Variants in FRMD3 observed in about 807,000 individuals in gnomAD.
FRMD3 encodes FERM domain-containing protein 3.
A neutral mutation model predicts 70.2 loss-of-function variants in FRMD3; 33 were observed. The ratio of observed to expected loss-of-function variants is 0.47; its 90% CI spans 0.36 to 0.63. FRMD3 has a LOEUF of 0.63. FRMD3 is among the 20% of genes least tolerant of loss of function. The probability of loss-of-function intolerance (pLI) is 0.00; values close to 1 mark genes in which losing one functional copy is unlikely to be tolerated. For missense variants in FRMD3, 632 were observed against 711.4 expected (o/e 0.89, Z 1.27); for synonymous variants, 279 against 255.9 (o/e 1.09, Z -0.86).
Position 83,459,490 on chromosome 9 carries a change from C to T in FRMD3, c.148-69782G>A, listed in dbSNP as rs1354518769. ...ATATCTTACATGTACCTCGCAGCCT[C>T]GGTTCTCCCCAGGGGCGTCCCCAAG... On this transcript the variant is annotated intron_variant, in intron 1 of 13. Transcript: ENST00000304195. Among the ~76,000 whole-genome samples, 5 of 152,226 alleles carry T rather than the reference C, an allele frequency of 3.3e-5. 1 individual carries two copies. Among genetic ancestry groups the T allele is most frequent in the Non-Finnish European group, 7.3e-5 (5 of 68,036 alleles).
intron 13 of FRMD3, among the ~76,000 whole-genome samples, chr9:83,286,334 CT>C (rs35896378): frequency 0.032 from 4,684 of 148,620 alleles, 137 homozygotes; most frequent in African/African-American, 0.08. Context: ...TTAGAGAACA[CT>C]TTTTTTTTTT....
intron 13 of FRMD3, among the ~76,000 whole-genome samples, chr9:83,249,478 G>A (rs532988330): frequency 6.6e-6 from 1 of 152,234 alleles, no homozygotes; most frequent in South Asian, 2.1e-4. Context: ...CAATCAAAAT[G>A]GCAGCCAGGT....
intron 10 of FRMD3, among the ~76,000 whole-genome samples, chr9:83,305,274 G>A (rs1340953368): frequency 6.6e-6 from 1 of 152,136 alleles, no homozygotes; most frequent in Non-Finnish European, 1.5e-5. Flanking sequence ...GAAAAGGAGT[G>A]GGCTCTTCAT....
intron 10 of FRMD3, among the ~76,000 whole-genome samples, chr9:83,301,525 T>TAC (rs1554684032): frequency 2.8e-4 from 40 of 141,872 alleles, no homozygotes; most frequent in South Asian, 2.0e-3. Flanking sequence ...GTGGTTGGCT[T>TAC]AAAAAAAAAA....
At chr9:83,501,242 C>T (rs1160787570) in intron 1 of FRMD3, among the ~76,000 whole-genome samples, 2 of 151,938 alleles carry the variant, frequency 1.3e-5, no homozygotes, top group Middle Eastern at 3.4e-3. Context: ...TGCAGTGAGC[C>T]GAGATGGTGC....
At chr9:83,489,488 C>T (rs116695918) in intron 1 of FRMD3, among the ~76,000 whole-genome samples, 2,876 of 152,100 alleles carry the variant, frequency 0.019, 86 homozygotes, top group African/African-American at 0.064. Context: ...TAGAAGCAAC[C>T]GACAAACATG....
intron 6 of FRMD3, among the ~76,000 whole-genome samples, chr9:83,317,071 G>A (rs11140021): frequency 0.084 from 12,757 of 151,802 alleles, 670 homozygotes; most frequent in East Asian, 0.23. Flanking sequence ...CAGATATTGT[G>A]CACTATGATC....
intron 10 of FRMD3, among the ~76,000 whole-genome samples, chr9:83,301,877 G>C (rs945390228): frequency 1.3e-5 from 2 of 152,264 alleles, no homozygotes; most frequent in African/African-American, 4.8e-5. Context: ...AGAGAGAAAA[G>C]ACTGTGCGTC....
At position 83,290,510 on chromosome 9, in the gene FRMD3, T is replaced by C. The variant is rs533711386; in HGVS notation, c.1195+93A>G. ...TGGCCCACTCCACCCCATACACTAA[T>C]CAATTACCCATCATATGCAGAATTG... On this transcript the variant is annotated intron_variant, in intron 13 of 13. Transcript: ENST00000304195. 1.2e-5 allele frequency: 17 copies of C among 1,413,048 alleles called. No individual in the cohort carries two copies. In the African/African-American group the frequency reaches 2.3e-4, roughly 19 times the overall value. 87.5% of individuals were successfully genotyped at this position (1,413,048 alleles called of 1,614,324 possible).
At chr9:83,550,800 T>G in the FRMD3 span, among the ~76,000 whole-genome samples, 1 of 151,794 alleles carries the variant, frequency 6.6e-6, no homozygotes. Flanking sequence ...TGTATAGGAA[T>G]GCTAGTGATT....
At chr9:83,272,870 C>A (rs1374890015) in intron 13 of FRMD3, among the ~76,000 whole-genome samples, 2 of 151,566 alleles carry the variant, frequency 1.3e-5, no homozygotes, top group African/African-American at 4.9e-5. Context: ...TGCCCGGCCA[C>A]CCCGTCCGAG....
At chr9:83,531,713 G>T (rs1829795284) in intron 1 of FRMD3, among the ~76,000 whole-genome samples, 1 of 152,184 alleles carries the variant, frequency 6.6e-6, no homozygotes, top group African/African-American at 2.4e-5. Context: ...ATATAGGTTT[G>T]CACATGATAA....
chr9:83,469,141 C>T lies in FRMD3; in HGVS notation c.147+68944G>A, dbSNP rs368876028. On this transcript the variant is annotated intron_variant, in intron 1 of 13. Transcript: ENST00000304195. ...AAACTAAAATGAGGCAAGATACAGA[C>T]GAGAGCAGGGATGAAGACTTACACT... Among the ~76,000 whole-genome samples, 153 of 152,292 alleles carry T rather than the reference C, an allele frequency of 1.0e-3. 1 individual carries two copies. Among genetic ancestry groups the T allele is most frequent in the African/African-American group, 3.6e-3 (148 of 41,560 alleles).
the FRMD3 span, among the ~76,000 whole-genome samples, chr9:83,557,750 G>C: frequency 0.44 from 67,124 of 151,990 alleles, 15,215 homozygotes; most frequent in Middle Eastern, 0.5. Context: ...AGATCTGGGG[G>C]GAAAAACGAA....
the FRMD3 span, among the ~76,000 whole-genome samples, chr9:83,548,508 A>G: frequency 6.6e-6 from 1 of 152,204 alleles, no homozygotes; most frequent in Non-Finnish European, 1.5e-5. Context: ...CAACTGTATA[A>G]CATACTAGGA....
At chr9:83,461,752 G>T (rs965119721) in intron 1 of FRMD3, among the ~76,000 whole-genome samples, 5 of 119,204 alleles carry the variant, frequency 4.2e-5, no homozygotes, top group Admixed American at 3.6e-4. Context: ...GCAGTGGCAC[G>T]ATCTCAGCTC....
the FRMD3 span, among the ~76,000 whole-genome samples, chr9:83,570,068 G>C: frequency 6.6e-6 from 1 of 152,124 alleles, no homozygotes; most frequent in Non-Finnish European, 1.5e-5. Context: ...CAACAAAGTG[G>C]TTCATGTTGC....
chr9:83,438,231 C>A (rs551768562), intron 1 of FRMD3, among the ~76,000 whole-genome samples: 1 of 152,160 alleles, frequency 6.6e-6, no homozygotes, highest in Non-Finnish European at 1.5e-5. Context: ...TATAACATTA[C>A]TCCAAAGAAA....
chr9:83,507,687 C>CATATATATATATATATATATAT (rs60192207), intron 1 of FRMD3, among the ~76,000 whole-genome samples: 1 of 46,898 alleles, frequency 2.1e-5, no homozygotes, highest in Non-Finnish European at 4.8e-5. Context: ...AAAAAATATA[C>CATATATATATATATATATATAT]ATACATATAT....
Sources: allele counts gnomAD v4.1 joint callset (sites outside exome capture counted in the v4.1 genomes callset), GRCh38; gene constraint gnomAD v4.1.1; transcripts MANE v1.5; gene names NCBI Gene and HGNC (gene_info 2026-07-23, HGNC 2026-07-21).